DSCAM: variants seen among roughly 807,000 people sequenced by gnomAD.
The protein encoded by DSCAM is cell adhesion molecule DSCAM.
Under a neutral mutation model 217.7 loss-of-function variants are expected in DSCAM, and 47 were observed. The observed-to-expected ratio is 0.22, with a 90% CI of 0.17 to 0.28. DSCAM has a LOEUF of 0.28. DSCAM is among the 10% of genes least tolerant of loss of function. DSCAM has a pLI of 1.00. For synonymous variants in DSCAM, 1,056 were observed against 1,015.3 expected (o/e 1.04, Z -0.76); for missense variants, 2,080 against 2,618.3 (o/e 0.79, Z 4.49).
At chr21:40,253,265 C>G (rs537240869) in intron 11 of DSCAM, among the ~76,000 whole-genome samples, 6 of 152,320 alleles carry the variant, frequency 3.9e-5, no homozygotes, top group African/African-American at 1.2e-4. Context: ...CTTTATCATT[C>G]TCCTAACTCT....
intron 3 of DSCAM, among the ~76,000 whole-genome samples, chr21:40,373,686 C>T (rs1000660355): frequency 6.6e-6 from 1 of 152,174 alleles, no homozygotes; most frequent in Non-Finnish European, 1.5e-5. Context: ...CTAACTTTTT[C>T]TTGTTCTTAT....
At position 40,144,479 on chromosome 21, in the gene DSCAM, G is replaced by C. The variant is rs1360022385; in HGVS notation, c.3259+12C>G. 17 of 1,613,146 alleles carry C rather than the reference G, an allele frequency of 1.1e-5. No homozygotes were observed. The highest frequency in any genetic ancestry group is 1.3e-5 in the Non-Finnish European group (15 of 1,179,300). On this transcript the variant is annotated intron_variant, in intron 17 of 32. Transcript: ENST00000400454. This position sits in a 1 kb window ranked among gnomAD's most constrained non-coding sequence, Gnocchi z 4.8. ...GAGGGAAAAGCCACGACCAGGCCCC[G>C]GCCGAACCTACCATCCTCGAGAGTG...
chr21:40,824,206 T>C (rs1461387825), intron 1 of DSCAM, among the ~76,000 whole-genome samples: 1 of 152,048 alleles, frequency 6.6e-6, no homozygotes. Context: ...CCCGGCACCG[T>C]GGAATTAGCC....
chr21:40,044,406 T>A, intron 30 of DSCAM, 131 bp from the exon 31 acceptor site: 1 of 835,450 alleles, frequency 1.2e-6, no homozygotes, highest in Non-Finnish European at 1.9e-6. Flanking sequence ...CTTCCTTGAC[T>A]TCTCCTGTGC....
chr21:40,087,861 C>G (rs945423572), intron 21 of DSCAM, among the ~76,000 whole-genome samples: 1 of 152,176 alleles, frequency 6.6e-6, no homozygotes, highest in Non-Finnish European at 1.5e-5. Flanking sequence ...GATGCCCAAA[C>G]AGGAGCATCT....
At chr21:40,082,940 T>C (rs1372619392) in intron 24 of DSCAM, among the ~76,000 whole-genome samples, 1 of 152,206 alleles carries the variant, frequency 6.6e-6, no homozygotes, top group Non-Finnish European at 1.5e-5. Flanking sequence ...GAAATGCTCC[T>C]GACTTCCTGT....
At chr21:40,791,167 AAAG>A (rs1463428747) in intron 1 of DSCAM, among the ~76,000 whole-genome samples, 1 of 151,840 alleles carries the variant, frequency 6.6e-6, no homozygotes, top group Admixed American at 6.6e-5. Flanking sequence ...AAAAAAAAAA[AAAG>A]AAAAGAAAAA....
At chr21:40,344,398 G>A (rs565017635) in intron 6 of DSCAM, among the ~76,000 whole-genome samples, 3 of 151,620 alleles carry the variant, frequency 2.0e-5, no homozygotes, top group East Asian at 1.9e-4. Flanking sequence ...CTCTATATCC[G>A]GCATGACTTC....
At chr21:40,778,038 CCCAG>C (rs1463389269) in intron 1 of DSCAM, among the ~76,000 whole-genome samples, 1 of 152,088 alleles carries the variant, frequency 6.6e-6, no homozygotes, top group Non-Finnish European at 1.5e-5. Flanking sequence ...GAATTGTGTG[CCCAG>C]CCAAATACTC....
intron 3 of DSCAM, among the ~76,000 whole-genome samples, chr21:40,480,282 C>T (rs1456446768): frequency 6.6e-6 from 1 of 152,182 alleles, no homozygotes; most frequent in Non-Finnish European, 1.5e-5. Flanking sequence ...GCTGTATACA[C>T]AAAAGTTAAA....
At chr21:40,384,895 T>C (rs2075067428) in intron 3 of DSCAM, 1 of 152,190 alleles carries the variant, frequency 6.6e-6, no homozygotes, top group Admixed American at 6.5e-5. Flanking sequence ...TACTCATCCA[T>C]GTACCCATTT....
chr21:40,242,910 C>G (rs1348664827), intron 11 of DSCAM, among the ~76,000 whole-genome samples: 1 of 152,226 alleles, frequency 6.6e-6, no homozygotes, highest in Admixed American at 6.5e-5. Context: ...ATTTCCACCT[C>G]ACGTACAGCT....
chr21:40,761,616 A>T lies in DSCAM; in HGVS notation c.44-52845T>A, dbSNP rs185161703. ...CCTACAGAACTGCAAGACAGAGCAAACTTCTCTTGTTCAAGCCTCTCAGTT... is the reference window on the plus strand; with the variant it reads ...CCTACAGAACTGCAAGACAGAGCAATCTTCTCTTGTTCAAGCCTCTCAGTT... On this transcript the variant is annotated intron_variant, in intron 1 of 32. Transcript: ENST00000400454. 3.9e-3 allele frequency among the ~76,000 whole-genome samples: 596 copies of T among 152,300 alleles called. 3 individuals carry two copies. Among genetic ancestry groups the T allele is most frequent in the African/African-American group, 0.014 (573 of 41,564 alleles).
intron 3 of DSCAM, among the ~76,000 whole-genome samples, chr21:40,519,807 C>G (rs1041029005): frequency 6.6e-6 from 1 of 151,798 alleles, no homozygotes; most frequent in South Asian, 2.1e-4. Context: ...ATTGTGTGGG[C>G]CAATTTCTTT....
At chr21:40,659,002 T>A (rs2090106299) in intron 3 of DSCAM, among the ~76,000 whole-genome samples, 1 of 152,160 alleles carries the variant, frequency 6.6e-6, no homozygotes, top group Non-Finnish European at 1.5e-5. Flanking sequence ...CCTGCGGTAA[T>A]CAACTTGAGC....
intron 9 of DSCAM, among the ~76,000 whole-genome samples, chr21:40,311,458 G>A (rs191090208): frequency 2.6e-5 from 4 of 152,148 alleles, no homozygotes; most frequent in African/African-American, 9.7e-5. Context: ...TAGATGTAAT[G>A]AGATTACTGC....
chr21:40,058,611 G>T (rs953638079), intron 28 of DSCAM, among the ~76,000 whole-genome samples: 14 of 152,138 alleles, frequency 9.2e-5, no homozygotes, highest in Non-Finnish European at 2.9e-5. Flanking sequence ...ATGTCCCCAA[G>T]ACTTTGTTTT....
chr21:40,421,945 A>G (rs1468817180), intron 3 of DSCAM, among the ~76,000 whole-genome samples: 1 of 152,204 alleles, frequency 6.6e-6, no homozygotes, highest in African/African-American at 2.4e-5. Flanking sequence ...AGACAAACTG[A>G]GAATGAGGAG....
intron 32 of DSCAM, among the ~76,000 whole-genome samples, chr21:40,029,694 A>G (rs1318261173): frequency 6.6e-6 from 1 of 152,080 alleles, no homozygotes; most frequent in African/African-American, 2.4e-5. Flanking sequence ...CTCAGTTGTC[A>G]TTTTGACCAT....
Sources: gnomAD v4.1 joint callset for allele counts (sites outside exome capture counted in the v4.1 genomes callset) on GRCh38, gnomAD v4.1.1 for gene constraint, Gnocchi (gnomAD v3.1) non-coding constraint, MANE v1.5 for transcripts, NCBI Gene and HGNC (gene_info 2026-07-23, HGNC 2026-07-21) for gene names.